ZC4H2: variants seen among roughly 807,000 people sequenced by gnomAD.
ZC4H2 encodes the protein zinc finger C4H2-type containing.
For synonymous variants in ZC4H2, 84 were observed against 66.3 expected (o/e 1.27, Z -1.30); for missense variants, 137 against 173.9 (o/e 0.79, Z 1.19).
intron 1 of ZC4H2, among the ~76,000 whole-genome samples, chrX:64,992,883 G>C (rs1046809587): frequency 1.8e-5 from 2 of 111,353 alleles, no homozygotes; most frequent in African/African-American, 6.5e-5. Context: ...CCAAATCCCA[G>C]GTCCTACTTC....
intron 1 of ZC4H2, among the ~76,000 whole-genome samples, chrX:64,947,802 AGTT>A (rs1930608899): frequency 1.8e-5 from 2 of 111,079 alleles, no homozygotes; most frequent in South Asian, 7.6e-4. Context: ...TGACCAATCC[AGTT>A]GTTTCTGTAC....
chrX:65,000,771 C>T (rs931349772), intron 1 of ZC4H2, among the ~76,000 whole-genome samples: 5 of 111,757 alleles, frequency 4.5e-5, no homozygotes, highest in African/African-American at 1.3e-4. Flanking sequence ...AAACACAGCA[C>T]GAGAACTTCG....
At chrX:64,933,389 T>A (rs1354498360) in intron 1 of ZC4H2, among the ~76,000 whole-genome samples, 1 of 111,910 alleles carries the variant, frequency 8.9e-6, no homozygotes, top group Admixed American at 9.5e-5. Context: ...GATCCAATGC[T>A]GGGGAGCTAG....
rs201609507 is a variant in ZC4H2 at position 64,976,399 on chromosome X, G to T, written c.-22C>A. ...CCATACTTTTCACTGTCAATTTCACGTCCCGAGAGATGTACAAATACACCA... is the reference window on the plus strand; with the variant it reads ...CCATACTTTTCACTGTCAATTTCACTTCCCGAGAGATGTACAAATACACCA... On this transcript the variant is annotated 5_prime_UTR_variant, in exon 1 of 5. Coordinates refer to ENST00000374839, the MANE Select transcript of ZC4H2 (RefSeq NM_018684.4). 67 of 1,202,940 alleles carry T rather than the reference G, an allele frequency of 5.6e-5. No homozygotes were observed. The highest frequency in any genetic ancestry group is 7.0e-5 in the Non-Finnish European group (62 of 888,883).
chrX:64,988,258 G>C (rs1378165126), intron 1 of ZC4H2, among the ~76,000 whole-genome samples: 1 of 111,156 alleles, frequency 9.0e-6, no homozygotes, highest in Non-Finnish European at 1.9e-5. Context: ...CCAGTAATGT[G>C]ATGGCTGGGT....
chrX:65,000,364 A>T, intron 1 of ZC4H2, among the ~76,000 whole-genome samples: 1 of 112,244 alleles, frequency 8.9e-6, no homozygotes, highest in Non-Finnish European at 1.9e-5. Flanking sequence ...AGGAAAACTA[A>T]CAAAAAGAAA....
intron 1 of ZC4H2, among the ~76,000 whole-genome samples, chrX:64,926,795 C>A (rs1929439334): frequency 9.0e-6 from 1 of 111,271 alleles, no homozygotes; most frequent in Admixed American, 9.6e-5. Flanking sequence ...AAATATGGAT[C>A]AAAAATACAG....
chrX:65,027,652 G>A (rs1018209393), intron 1 of ZC4H2, among the ~76,000 whole-genome samples: 1 of 111,356 alleles, frequency 9.0e-6, no homozygotes, highest in Non-Finnish European at 1.9e-5. Flanking sequence ...CAATAGGACC[G>A]TTGGGGGCCT....
rs1929022112 is a variant in ZC4H2, at chrX:64,918,225, C to A, written c.562-329G>T. On this transcript the variant is annotated intron_variant, in intron 4 of 4. Coordinates refer to ENST00000374839, the MANE Select transcript of ZC4H2 (RefSeq NM_018684.4). ...ATTTTCTAGAACAGGGGTCAACAAA[C>A]ATTTTCTGTAAAGGCCAGGACAGCA... The A allele has an allele frequency of 1.9e-5, 3 of 159,598 alleles. No individual in the cohort carries two copies. The South Asian group carries it at 5.3e-4, about 28-fold the overall frequency. The allele number at this position is 159,598 out of a possible 1,213,427, so 13.2% of individuals were successfully genotyped here. A position where few individuals can be genotyped will look rare whatever the true frequency, so the allele number is the denominator to read the frequency against.
intron 1 of ZC4H2, among the ~76,000 whole-genome samples, chrX:65,005,846 C>T (rs777526217): frequency 9.3e-6 from 1 of 108,076 alleles, no homozygotes; most frequent in African/African-American, 3.4e-5. Context: ...CTACAAGGAA[C>T]GTAAACACAT....
At chrX:65,010,972 T>C (rs769583551) in intron 1 of ZC4H2, among the ~76,000 whole-genome samples, 3 of 111,918 alleles carry the variant, frequency 2.7e-5, no homozygotes, top group Non-Finnish European at 5.6e-5. Flanking sequence ...TTAGATAACC[T>C]CTTTGGTGAA....
intron 1 of ZC4H2, among the ~76,000 whole-genome samples, chrX:65,022,476 C>G (rs1932843924): frequency 9.0e-6 from 1 of 111,646 alleles, no homozygotes; most frequent in Admixed American, 9.5e-5. Context: ...AATTCAACAC[C>G]CCTTCATGCT....
intron 1 of ZC4H2, among the ~76,000 whole-genome samples, chrX:64,949,520 G>A (rs989044529): frequency 9.0e-6 from 1 of 111,452 alleles, no homozygotes; most frequent in African/African-American, 3.3e-5. Context: ...GCTCCAGAGG[G>A]ACCCTTAAGC....
chrX:64,952,365 G>A (rs374389038), intron 1 of ZC4H2, among the ~76,000 whole-genome samples: 2 of 108,900 alleles, frequency 1.8e-5, no homozygotes, highest in African/African-American at 3.4e-5. Context: ...GATGGGGATG[G>A]CATTGAATCT....
intron 1 of ZC4H2, among the ~76,000 whole-genome samples, chrX:64,936,221 G>GA (rs1450238528): frequency 4.5e-5 from 5 of 109,977 alleles, no homozygotes; most frequent in Non-Finnish European, 9.5e-5. Context: ...CAAGATTAGA[G>GA]AAAAAAGAAT....
At chrX:64,938,786 C>A (rs774829371) in intron 1 of ZC4H2, among the ~76,000 whole-genome samples, 1 of 111,702 alleles carries the variant, frequency 9.0e-6, no homozygotes, top group Non-Finnish European at 1.9e-5. Flanking sequence ...TGAAATGTAT[C>A]TCAAAATAAT....
chrX:64,981,092 G>C (rs1486908279), upstream of ZC4H2, among the ~76,000 whole-genome samples: 1 of 109,648 alleles, frequency 9.1e-6, no homozygotes, highest in African/African-American at 3.3e-5. Context: ...ATGGTCCTGA[G>C]TCAGAAAATG....
intron 1 of ZC4H2, among the ~76,000 whole-genome samples, chrX:65,013,009 C>A (rs1481027314): frequency 3.6e-5 from 4 of 111,639 alleles, no homozygotes; most frequent in African/African-American, 1.3e-4. Flanking sequence ...CACCAAGCTG[C>A]ATGCAAAGGG....
At chrX:64,950,735 G>A (rs1930770813) in intron 1 of ZC4H2, among the ~76,000 whole-genome samples, 1 of 110,888 alleles carries the variant, frequency 9.0e-6, no homozygotes, top group Admixed American at 9.6e-5. Context: ...TTAAGCCTAT[G>A]TGTGTCTCCA....
Sources: allele counts gnomAD v4.1 joint callset (sites outside exome capture counted in the v4.1 genomes callset), GRCh38; gene constraint gnomAD v4.1.1; transcripts MANE v1.5; gene names NCBI Gene and HGNC (gene_info 2026-07-23, HGNC 2026-07-21).